PPP2R5E: variants seen among roughly 807,000 people sequenced by gnomAD.
PPP2R5E encodes protein phosphatase 2 regulatory subunit B'epsilon, also known as serine/threonine-protein phosphatase 2A 56 kDa regulatory subunit epsilon isoform.
PPP2R5E carries 4 observed loss-of-function variants against 65.3 expected under a neutral mutation model. That is an observed-to-expected ratio of 0.06 (90% confidence interval 0.03 to 0.14). PPP2R5E has a LOEUF of 0.14. PPP2R5E is among the 10% of genes least tolerant of loss of function. The pLI, the probability that PPP2R5E is intolerant of heterozygous loss-of-function variation, is 1.00. For missense variants in PPP2R5E, 274 were observed against 556.1 expected (o/e 0.49, Z 5.10); for synonymous variants, 183 against 187.4 (o/e 0.98, Z 0.19).
At chr14:63,388,400 A>G (rs1178430499) in intron 11 of PPP2R5E, among the ~76,000 whole-genome samples, 2 of 152,124 alleles carry the variant, frequency 1.3e-5, no homozygotes, top group Non-Finnish European at 2.9e-5. Context: ...CAGCCTCCCA[A>G]AGTGCTGGGA....
At chr14:63,513,392 T>G (rs1290890093) in intron 2 of PPP2R5E, among the ~76,000 whole-genome samples, 4 of 152,142 alleles carry the variant, frequency 2.6e-5, no homozygotes, top group Non-Finnish European at 5.9e-5. Flanking sequence ...AAATCTCCCC[T>G]CAAATACTGT....
At chr14:63,443,782 C>T (rs1888350022) in intron 3 of PPP2R5E, among the ~76,000 whole-genome samples, 1 of 152,132 alleles carries the variant, frequency 6.6e-6, no homozygotes, top group East Asian at 1.9e-4. Context: ...CCACAAACTA[C>T]CCAACTGCCA....
At chr14:63,534,814 C>G (rs1893599767) in intron 2 of PPP2R5E, among the ~76,000 whole-genome samples, 1 of 151,960 alleles carries the variant, frequency 6.6e-6, no homozygotes, top group Non-Finnish European at 1.5e-5. Flanking sequence ...CAGATGAGGT[C>G]TCACTATGTT....
rs1386616094 is a variant in PPP2R5E at position 63,399,737 on chromosome 14, GT to G, written c.550-3022del. The stretch of plus-strand genomic sequence containing the variant: ...AAATTGGTTTGAATGTTACTGAGTT[GT>G]TTTTTTTAACATTCATCATCATTGC... On this transcript the variant is annotated intron_variant, in intron 5 of 13. Coordinates refer to ENST00000337537, the MANE Select transcript of PPP2R5E (RefSeq NM_006246.5). Among the ~76,000 whole-genome samples the G allele has an allele frequency of 2.6e-5, 4 of 151,892 alleles. No individual in the cohort carries two copies. In the East Asian group the frequency reaches 5.8e-4, roughly 22 times the overall value.
At chr14:63,523,857 A>G (rs1397161440) in intron 2 of PPP2R5E, among the ~76,000 whole-genome samples, 2 of 152,324 alleles carry the variant, frequency 1.3e-5, no homozygotes, top group South Asian at 2.1e-4. Flanking sequence ...TACTCATTCA[A>G]TCAAAAACAG....
At position 63,374,885 on chromosome 14, in the gene PPP2R5E, T is replaced by C. The variant is rs976628259; in HGVS notation, c.*1124A>G. 7 of 152,370 alleles carry C rather than the reference T, an allele frequency of 4.6e-5. No individual in the cohort carries two copies. Among genetic ancestry groups the C allele is most frequent in the African/African-American group, 1.5e-4 (6 of 41,348 alleles). 9.4% of individuals were successfully genotyped at this position (152,370 alleles called of 1,614,324 possible). A position where few individuals can be genotyped will look rare whatever the true frequency, so the allele number is the denominator to read the frequency against. On this transcript the variant is annotated 3_prime_UTR_variant, in exon 14 of 14. Coordinates refer to ENST00000337537, the MANE Select transcript of PPP2R5E (RefSeq NM_006246.5). Reference sequence around the variant, plus strand: ...AATTCAGAATGCATAATAATGTTTATCCTGAATCCTTTCCGGCTAAAAACA... The same window carrying C: ...AATTCAGAATGCATAATAATGTTTACCCTGAATCCTTTCCGGCTAAAAACA...
At chr14:63,376,597 A>G (rs538146741) in intron 13 of PPP2R5E, among the ~76,000 whole-genome samples, 4 of 152,174 alleles carry the variant, frequency 2.6e-5, no homozygotes. Flanking sequence ...AATTTCACTG[A>G]TTTTAAATTT....
At chr14:63,501,666 C>T (rs1264919214) in intron 2 of PPP2R5E, among the ~76,000 whole-genome samples, 3 of 152,034 alleles carry the variant, frequency 2.0e-5, no homozygotes, top group Non-Finnish European at 4.4e-5. Context: ...TGTGAACATA[C>T]TAAAAACTAA....
rs149119767 is a variant in PPP2R5E, at chr14:63,483,324, G to A, written c.158-29439C>T. On this transcript the variant is annotated intron_variant, in intron 2 of 13. Transcript: ENST00000337537. ...TTTGCCTAATTATGACATCAGTGTG[G>A]TAAGTACTATAGGAGATTAAGGCTG... 3.2e-3 allele frequency among the ~76,000 whole-genome samples: 481 copies of A among 152,246 alleles called. 1 individual carries two copies. Among genetic ancestry groups the A allele is most frequent in the Admixed American group, 4.9e-3 (75 of 15,282 alleles).
chr14:63,417,976 C>T (rs557420582), intron 4 of PPP2R5E, among the ~76,000 whole-genome samples: 2 of 152,316 alleles, frequency 1.3e-5, no homozygotes, highest in African/African-American at 4.8e-5. Context: ...TTTCTTCTCA[C>T]GTCAGACTCT....
intron 3 of PPP2R5E, among the ~76,000 whole-genome samples, chr14:63,429,139 C>T (rs540032503): frequency 2.6e-4 from 39 of 152,290 alleles, no homozygotes; most frequent in African/African-American, 8.7e-4. Flanking sequence ...CAGGGGACCA[C>T]TTGTACCACA....
intron 2 of PPP2R5E, among the ~76,000 whole-genome samples, chr14:63,486,393 A>G (rs1012696649): frequency 6.6e-6 from 1 of 151,960 alleles, no homozygotes; most frequent in Non-Finnish European, 1.5e-5. Flanking sequence ...AAACATTTGC[A>G]CAAATGGTAG....
Position 63,446,470 on chromosome 14 carries a change from G to A in PPP2R5E, c.354+7219C>T, listed in dbSNP as rs1461985919. ...AAGAAATGAATTTCTTAAATAATAAGACTTGAAAATCAAAATTACTCCTTG... is the reference window on the plus strand; with the variant it reads ...AAGAAATGAATTTCTTAAATAATAAAACTTGAAAATCAAAATTACTCCTTG... On this transcript the variant is annotated intron_variant, in intron 3 of 13. Transcript: ENST00000337537. 3.3e-5 allele frequency among the ~76,000 whole-genome samples: 5 copies of A among 152,062 alleles called. No individual in the cohort carries two copies. The South Asian group carries it at 6.2e-4, about 19-fold the overall frequency.
At chr14:63,456,171 G>C (rs922073371) in intron 2 of PPP2R5E, among the ~76,000 whole-genome samples, 1 of 152,156 alleles carries the variant, frequency 6.6e-6, no homozygotes, top group African/African-American at 2.4e-5. Flanking sequence ...CTAAAAATCA[G>C]ACTATCTACA....
At chr14:63,393,557 C>A (rs1232015636) in intron 8 of PPP2R5E, among the ~76,000 whole-genome samples, 1 of 151,928 alleles carries the variant, frequency 6.6e-6, no homozygotes, top group African/African-American at 2.4e-5. Context: ...ACTAAAAATA[C>A]AAAAATTAGC....
chr14:63,444,396 A>G (rs888706654), intron 3 of PPP2R5E, among the ~76,000 whole-genome samples: 28 of 152,320 alleles, frequency 1.8e-4, no homozygotes, highest in East Asian at 3.9e-4. Flanking sequence ...ACTACTATAT[A>G]TATGACATTA....
intron 2 of PPP2R5E, among the ~76,000 whole-genome samples, chr14:63,531,138 A>C (rs902431419): frequency 2.0e-5 from 3 of 152,256 alleles, no homozygotes; most frequent in Non-Finnish European, 4.4e-5. Flanking sequence ...ATTGCGCTCC[A>C]GCCTGGGCAA....
intron 3 of PPP2R5E, among the ~76,000 whole-genome samples, chr14:63,449,611 C>T (rs894673342): frequency 4.6e-5 from 7 of 152,034 alleles, no homozygotes; most frequent in Non-Finnish European, 7.4e-5. Context: ...GTTCTATGGA[C>T]TGTATATGTA....
At chr14:63,415,296 C>A (rs1566685238) in intron 4 of PPP2R5E, 64 bp from the exon 5 acceptor site, 2 of 1,185,576 alleles carry the variant, frequency 1.7e-6, no homozygotes, top group Non-Finnish European at 2.4e-6. Flanking sequence ...CTAAAAACCA[C>A]CAAAAGCCTG....
Sources: gnomAD v4.1 joint callset for allele counts (sites outside exome capture counted in the v4.1 genomes callset) on GRCh38, gnomAD v4.1.1 for gene constraint, MANE v1.5 for transcripts, NCBI Gene and HGNC (gene_info 2026-07-23, HGNC 2026-07-21) for gene names.